CEP85L: variants seen among roughly 807,000 people sequenced by gnomAD.
CEP85L encodes the protein centrosomal protein 85L, also known as centrosomal protein of 85 kDa-like.
A neutral mutation model predicts 100.3 loss-of-function variants in CEP85L; 60 were observed. The ratio of observed to expected loss-of-function variants is 0.60; its 90% CI spans 0.49 to 0.74. The LOEUF is 0.74. CEP85L is among the 30% of genes least tolerant of loss of function. The pLI is 0.00. For missense variants in CEP85L, 973 were observed against 936.2 expected, an observed-to-expected ratio of 1.04 and a Z score of -0.51; for synonymous variants, 319 against 322.7, an observed-to-expected ratio of 0.99 and a Z score of 0.12.
At chr6:118,643,103 C>T (rs116029936) in intron 1 of CEP85L, among the ~76,000 whole-genome samples, 1 of 152,174 alleles carries the variant, frequency 6.6e-6, no homozygotes, top group African/African-American at 2.4e-5. Flanking sequence ...AAGAATCATA[C>T]ACAATACATT....
rs572410886 is a variant in CEP85L, at chr6:118,528,317, T to C, written c.1021-4397A>G. On this transcript the variant is annotated intron_variant, in intron 3 of 12. Transcript: ENST00000368491. ...CAACTGACAACACTATTTGCTTTCATAGCACTTTGAACCATTGGCAGGATG... is the reference window on the plus strand; with the variant it reads ...CAACTGACAACACTATTTGCTTTCACAGCACTTTGAACCATTGGCAGGATG... Among the ~76,000 whole-genome samples the C allele has an allele frequency of 1.7e-4, 26 of 152,166 alleles. No individual in the cohort carries two copies. In the South Asian group the frequency reaches 4.6e-3, roughly 27 times the overall value.
intron 2 of CEP85L, among the ~76,000 whole-genome samples, chr6:118,575,942 T>C (rs979996454): frequency 1.3e-5 from 2 of 152,086 alleles, no homozygotes; most frequent in African/African-American, 2.4e-5. Flanking sequence ...CTAGTAATAG[T>C]AGACCACCTT....
At chr6:118,523,977 ATAT>A (rs1776811788) in intron 3 of CEP85L, 57 bp from the exon 4 acceptor site, 1 of 642,148 alleles carries the variant, frequency 1.6e-6, no homozygotes, top group African/African-American at 1.9e-5. Context: ...AAATATTTAT[ATAT>A]TATCATATTT....
rs553721716 is a variant in CEP85L at position 118,623,921 on chromosome 6, G to A, written c.232+8532C>T. 4.6e-5 allele frequency among the ~76,000 whole-genome samples: 7 copies of A among 152,282 alleles called. No individual in the cohort carries two copies. The South Asian group carries it at 1.4e-3, about 32-fold the overall frequency. ...ACCTTCCCATCTATGGATCCCTTGT[G>A]GGAGGGACCATACTCAGTAATCCTC... is the stretch of plus-strand genomic sequence containing the variant. On this transcript the variant is annotated intron_variant, in intron 2 of 12. Coordinates refer to ENST00000368491, the MANE Select transcript of CEP85L (RefSeq NM_001042475.3).
At chr6:118,601,951 C>A (rs1338534757) in intron 2 of CEP85L, among the ~76,000 whole-genome samples, 2 of 152,150 alleles carry the variant, frequency 1.3e-5, no homozygotes, top group Non-Finnish European at 2.9e-5. Flanking sequence ...ATGTAGAGTG[C>A]CTTAACCGTC....
intron 4 of CEP85L, among the ~76,000 whole-genome samples, chr6:118,519,887 G>A (rs757760865): frequency 3.9e-5 from 6 of 151,906 alleles, no homozygotes; most frequent in Non-Finnish European, 4.4e-5. Context: ...GAAAAATACA[G>A]ACCAATATCT....
chr6:118,602,971 C>A (rs1010693371), intron 2 of CEP85L, among the ~76,000 whole-genome samples: 6 of 152,248 alleles, frequency 3.9e-5, no homozygotes, highest in African/African-American at 1.4e-4. Flanking sequence ...CAGGTACCAA[C>A]CACCAAGTCC....
intron 2 of CEP85L, among the ~76,000 whole-genome samples, chr6:118,601,813 C>A (rs1253014829): frequency 2.0e-5 from 3 of 152,192 alleles, no homozygotes; most frequent in Non-Finnish European, 4.4e-5. Context: ...GCAGTGAGGA[C>A]AACCAGAGGT....
At chr6:118,617,706 T>C (rs2115261429) in intron 2 of CEP85L, among the ~76,000 whole-genome samples, 1 of 152,244 alleles carries the variant, frequency 6.6e-6, no homozygotes, top group South Asian at 2.1e-4. Context: ...CTACAGCTCA[T>C]TCTCTCTCTT....
intron 3 of CEP85L, among the ~76,000 whole-genome samples, chr6:118,544,594 T>C (rs994180833): frequency 1.3e-5 from 2 of 152,224 alleles, no homozygotes; most frequent in African/African-American, 4.8e-5. Flanking sequence ...TATGAGTCCT[T>C]TTCTTAATCC....
chr6:118,480,473 G>C lies in CEP85L; in HGVS notation c.1786C>G (p.Arg596Gly). 8 of 1,610,680 alleles carry C rather than the reference G, an allele frequency of 5.0e-6. No individual in the cohort carries two copies. Among genetic ancestry groups the C allele is most frequent in the Non-Finnish European group, 6.8e-6 (8 of 1,177,958 alleles). Residue 596 changes from arginine to glycine, a missense_variant, in exon 9 of 13, where the codon CGC (arginine) becomes GGC (glycine). Around this residue, in one of 3 missense-constraint regions of CEP85L, gnomAD observed 890 missense variants for 844.5 expected, o/e 1.05. Transcript: ENST00000368491. ...TGTTTTGCATCTAACATGGGAAGGC[G>C]GATTCCATCTTCAAGGCATCTTTCT... The part of the protein sequence containing the change: ...KVERCLEDGI[R>G]LPMLDAKQLQ...
intron 6 of CEP85L, among the ~76,000 whole-genome samples, chr6:118,490,034 T>C (rs1163784966): frequency 6.6e-6 from 1 of 151,930 alleles, no homozygotes; most frequent in Non-Finnish European, 1.5e-5. Context: ...ATTCAAACTT[T>C]GAAAAGAGAA....
At chr6:118,652,795 A>T (rs1234193231), upstream of CEP85L, 3 of 1,364,158 alleles carry the variant, frequency 2.2e-6, no homozygotes, top group African/African-American at 4.3e-5. Flanking sequence ...ATGTTAGCCA[A>T]GGGTCAGCTG....
intron 5 of CEP85L, chr6:118,502,344 G>A: frequency 1.9e-6 from 1 of 517,358 alleles, no homozygotes; most frequent in East Asian, 3.8e-5. Flanking sequence ...TGAGTTTCTG[G>A]CCCCATGCCA....
chr6:118,652,689 C>A, upstream of CEP85L: 2 of 1,533,188 alleles, frequency 1.3e-6, no homozygotes, highest in African/African-American at 1.4e-5. Flanking sequence ...GGTGTGTGTT[C>A]TATCACTTAC....
intron 3 of CEP85L, chr6:118,558,871 T>A (rs770154758): frequency 1.4e-6 from 2 of 1,475,236 alleles, no homozygotes; most frequent in East Asian, 4.5e-5. Flanking sequence ...GCCAGCTTTT[T>A]ATCTTTCTCT....
At position 118,565,842 on chromosome 6, in the gene CEP85L, C is replaced by T; in HGVS notation, c.707G>A (p.Ser236Asn). 1.9e-6 allele frequency: 3 copies of T among 1,614,038 alleles called. No individual in the cohort carries two copies. Among genetic ancestry groups the T allele is most frequent in the Non-Finnish European group, 1.7e-6 (2 of 1,180,008 alleles). Residue 236 changes from serine (S) to asparagine (N), a missense_variant, in exon 3 of 13, where the codon AGC (serine) becomes AAC (asparagine). This residue lies in a region of CEP85L where 890 missense variants were observed against 844.5 expected (regional missense o/e 1.05). Coordinates refer to ENST00000368491, the MANE Select transcript of CEP85L (RefSeq NM_001042475.3). The stretch of plus-strand genomic sequence containing the variant: ...GGAAGAGGCTCTAAAGTCCTCCTTG[C>T]TACAGCTCTCAAATTTATACTTGCA... ...LDCKYKFESC[S>N]KEDFRASSST...
chr6:118,534,599 T>G (rs1327529787), intron 3 of CEP85L, among the ~76,000 whole-genome samples: 1 of 151,834 alleles, frequency 6.6e-6, no homozygotes, highest in Non-Finnish European at 1.5e-5. Flanking sequence ...GTTGTATTAT[T>G]GACATAAGGA....
At chr6:118,491,545 CA>C (rs1774571834) in intron 6 of CEP85L, 140 bp downstream of exon 6, 2 of 1,422,882 alleles carry the variant, frequency 1.4e-6, no homozygotes, top group African/African-American at 2.9e-5. Flanking sequence ...GAGGGCTTCT[CA>C]AAAGTTACTA....
Sources: allele counts gnomAD v4.1 joint callset (sites outside exome capture counted in the v4.1 genomes callset), GRCh38; gene constraint gnomAD v4.1.1; regional missense constraint gnomAD v4.1.1; transcripts MANE v1.5; gene names NCBI Gene and HGNC (gene_info 2026-07-23, HGNC 2026-07-21).